Variants in LRRK2 observed in about 807,000 individuals in gnomAD.
LRRK2 encodes the protein leucine rich repeat kinase 2.
LRRK2 carries 203 observed loss-of-function variants against 302.6 expected under a neutral mutation model. The observed-to-expected ratio is 0.67, with a 90% confidence interval of 0.60 to 0.75. The LOEUF (loss-of-function observed/expected upper bound fraction) is 0.75. LRRK2 is among the 30% of genes least tolerant of loss of function. The pLI, the probability that LRRK2 is intolerant of heterozygous loss-of-function variation, is 0.00. For synonymous variants in LRRK2, 1,066 were observed against 1,031.9 expected, an observed-to-expected ratio of 1.03 and a Z score of -0.63; for missense variants, 2,830 against 2,951.0, an observed-to-expected ratio of 0.96 and a Z score of 0.95.
rs377550083 is a variant in LRRK2, at chr12:40,240,516, A to G, written c.605A>G (p.Asn202Ser). 4 of 1,613,304 alleles carry G rather than the reference A, an allele frequency of 2.5e-6. No homozygotes were observed. Among genetic ancestry groups the G allele is most frequent in the Non-Finnish European group, 3.4e-6 (4 of 1,179,542 alleles). ...GAGCAACTGACTGAATTTGTTGAGA[A>G]CAAAGATTATATGATATTGTTAAGT... is the stretch of plus-strand genomic sequence containing the variant. ...SEEQLTEFVE[N>S]KDYMILLSAL... Residue 202 changes from asparagine (N) to serine (S), a missense_variant, in exon 6 of 51, where the codon AAC becomes AGC. Physicochemically the swap from Asn to Ser is conservative, Grantham distance 46 (BLOSUM62 1). This residue lies in a region of LRRK2 where 2,121 missense variants were observed against 2,148.0 expected (regional missense o/e 0.99). Transcript: ENST00000298910.
At chr12:40,320,297 G>A in intron 34 of LRRK2, 122 bp downstream of exon 34, 1 of 761,058 alleles carries the variant, frequency 1.3e-6, no homozygotes, top group Non-Finnish European at 2.1e-6. Flanking sequence ...TGCTTCTAGT[G>A]TAAACCTCCT....
Position 40,251,457 on chromosome 12 carries a change from T to C in LRRK2, c.1102-8T>C. On this transcript the variant is annotated splice_polypyrimidine_tract_variant and splice_region_variant and intron_variant, in intron 9 of 50. Transcript: ENST00000298910. ...TTTGACAGATTTCTTTTTTCTCCCC[T>C]AATCCAGGAGGCCGCATGCTGGGCA... 6.2e-7 allele frequency: 1 copy of C among 1,611,718 alleles called. No individual in the cohort carries two copies. The highest frequency in any genetic ancestry group is 2.2e-5 in the East Asian group (1 of 44,716).
intron 33 of LRRK2, 115 bp from the exon 34 acceptor site, chr12:40,319,873 A>C: frequency 9.6e-7 from 1 of 1,037,830 alleles, no homozygotes; most frequent in South Asian, 1.6e-5. Context: ...GTTGCACTTG[A>C]AAACACTAAA....
chr12:40,359,311 C>T lies in LRRK2; in HGVS notation c.6895C>T (p.Pro2299Ser), dbSNP rs1946634309. 1 of 1,612,440 alleles carries T rather than the reference C, an allele frequency of 6.2e-7. No homozygotes were observed. Among genetic ancestry groups the T allele is most frequent in the Non-Finnish European group, 8.5e-7 (1 of 1,179,398 alleles). ...KILNIGNVSTPLMCLSESTNS... is the reference protein window; with the variant it reads ...KILNIGNVSTSLMCLSESTNS... ...ACTAAATATAGGAAATGTCAGTACT[C>T]CATTGATGTGTTTGAGTGAATCCAC... The change falls in exon 47 of 51, where the codon CCA becomes TCA. Residue 2299 changes from proline (P) to serine (S), a missense_variant. Coordinates refer to ENST00000298910, the MANE Select transcript of LRRK2 (RefSeq NM_198578.4).
chr12:40,358,674 T>A (rs1946614655), intron 46 of LRRK2, among the ~76,000 whole-genome samples: 1 of 152,188 alleles, frequency 6.6e-6, no homozygotes. Flanking sequence ...AGCTTTGTTC[T>A]TTTTGCTCAG....
intron 33 of LRRK2, 136 bp from the exon 34 acceptor site, chr12:40,319,852 T>C: frequency 1.4e-6 from 1 of 705,992 alleles, no homozygotes; most frequent in African/African-American, 1.8e-5. Context: ...GCTAGAGAAA[T>C]TAGGTACTGT....
chr12:40,352,069 C>T (rs1946369064), intron 44 of LRRK2, among the ~76,000 whole-genome samples: 1 of 152,176 alleles, frequency 6.6e-6, no homozygotes, highest in Admixed American at 6.5e-5. Flanking sequence ...TCTCTGCCCA[C>T]AAGGAGCTCT....
Position 40,305,784 on chromosome 12 carries a change from G to A in LRRK2, c.3778-1G>A. 1.9e-6 allele frequency: 3 copies of A among 1,613,088 alleles called. No individual in the cohort carries two copies. Among genetic ancestry groups the A allele is most frequent in the Non-Finnish European group, 2.5e-6 (3 of 1,179,618 alleles). The stretch of plus-strand genomic sequence containing the variant: ...GTTTTGCCCTTTTTTTTCCCATTAA[G>A]ATTCCTCCTGAGATTGGCTGTCTTG... On this transcript the variant is annotated splice_acceptor_variant, in intron 27 of 50. Coordinates refer to ENST00000298910, the MANE Select transcript of LRRK2 (RefSeq NM_198578.4). LOFTEE classifies it high-confidence loss of function.
At chr12:40,346,148 C>A (rs1946185784) in intron 41 of LRRK2, among the ~76,000 whole-genome samples, 1 of 151,390 alleles carries the variant, frequency 6.6e-6, no homozygotes, top group African/African-American at 2.4e-5. Context: ...TATTTATTTC[C>A]CCTTAAAAGA....
At chr12:40,293,309 T>C (rs1052292429) in intron 20 of LRRK2, among the ~76,000 whole-genome samples, 1 of 152,032 alleles carries the variant, frequency 6.6e-6, no homozygotes, top group Non-Finnish European at 1.5e-5. Context: ...GTCTAGTCTG[T>C]AACAGCCATT....
At chr12:40,352,072 G>A (rs2136994859) in intron 44 of LRRK2, among the ~76,000 whole-genome samples, 1 of 152,314 alleles carries the variant, frequency 6.6e-6, no homozygotes, top group East Asian at 1.9e-4. Flanking sequence ...CTGCCCACAA[G>A]GAGCTCTGGA....
At chr12:40,288,477 T>C (rs1054194297) in intron 20 of LRRK2, among the ~76,000 whole-genome samples, 3 of 151,838 alleles carry the variant, frequency 2.0e-5, no homozygotes, top group Non-Finnish European at 4.4e-5. Context: ...ATTAATGTTT[T>C]CTCTAGTTTT....
chr12:40,271,236 C>A (rs1398422788), intron 14 of LRRK2, among the ~76,000 whole-genome samples: 1 of 152,128 alleles, frequency 6.6e-6, no homozygotes, highest in African/African-American at 2.4e-5. Context: ...CAAGGGACAT[C>A]ATTCCACACA....
chr12:40,279,988 G>A (rs1052648551), intron 18 of LRRK2, among the ~76,000 whole-genome samples: 1 of 152,178 alleles, frequency 6.6e-6, no homozygotes. Flanking sequence ...ACTATCTAGA[G>A]CAAGGGTGGA....
At chr12:40,347,306 A>G (rs1019253971) in intron 42 of LRRK2, among the ~76,000 whole-genome samples, 4 of 152,204 alleles carry the variant, frequency 2.6e-5, no homozygotes, top group Non-Finnish European at 5.9e-5. Context: ...TGAATGATCT[A>G]TAATAATAAT....
intron 38 of LRRK2, among the ~76,000 whole-genome samples, chr12:40,325,903 C>A (rs2136904818): frequency 6.6e-6 from 1 of 152,240 alleles, no homozygotes; most frequent in South Asian, 2.1e-4. Flanking sequence ...GGATTCTGTT[C>A]ATGCGTCTGA....
At chr12:40,262,085 T>C (rs1299350864) in intron 13 of LRRK2, among the ~76,000 whole-genome samples, 1 of 152,012 alleles carries the variant, frequency 6.6e-6, no homozygotes, top group Non-Finnish European at 1.5e-5. Context: ...GGGAAGTATA[T>C]AGAGGAGAGT....
intron 4 of LRRK2, among the ~76,000 whole-genome samples, chr12:40,236,517 G>A (rs1032310587): frequency 6.6e-5 from 10 of 152,182 alleles, no homozygotes; most frequent in African/African-American, 2.4e-4. Context: ...TATTATATAA[G>A]GTTCCGAGAA....
chr12:40,324,035 A>T (rs917747961), intron 38 of LRRK2, among the ~76,000 whole-genome samples: 1 of 152,130 alleles, frequency 6.6e-6, no homozygotes, highest in African/African-American at 2.4e-5. Context: ...CATACACTTC[A>T]GAAGATGAAA....
Sources: allele counts gnomAD v4.1 joint callset (sites outside exome capture counted in the v4.1 genomes callset), GRCh38; gene constraint gnomAD v4.1.1; regional missense constraint gnomAD v4.1.1; transcripts MANE v1.5; gene names NCBI Gene and HGNC (gene_info 2026-07-23, HGNC 2026-07-21).